The following NAT10 variants were observed in gnomAD, a reference collection of about 807,000 sequenced individuals.
NAT10 encodes the protein RNA cytidine acetyltransferase.
A neutral mutation model predicts 132.2 loss-of-function variants in NAT10; 109 were observed. That is an observed-to-expected ratio of 0.82 (90% CI 0.71 to 0.97). The LOEUF (loss-of-function observed/expected upper bound fraction) is 0.97, where lower values mean the gene tolerates loss of function less well. Among genes scored for constraint, NAT10 ranks in the 50% least tolerant of loss-of-function variants. The pLI is 0.00. For missense variants in NAT10, 1,184 were observed against 1,263.4 expected, an observed-to-expected ratio of 0.94 and a Z score of 0.95; for synonymous variants, 479 against 478.0, an observed-to-expected ratio of 1.00 and a Z score of -0.03.
At chr11:34,113,653 A>AG in intron 4 of NAT10, 63 bp from the exon 5 acceptor site, 38 of 1,521,214 alleles carry the variant, frequency 2.5e-5, no homozygotes, top group Non-Finnish European at 3.1e-5. Context: ...AAAAAAAAAA[A>AG]AAAAAAAGTC....
In NAT10 at chr11:34,113,844, C is replaced by T; in HGVS notation, c.495+6C>T. 1 of 1,610,978 alleles carries T rather than the reference C, an allele frequency of 6.2e-7. No homozygotes were observed. Among genetic ancestry groups the T allele is most frequent in the Non-Finnish European group, 8.5e-7 (1 of 1,178,890 alleles). Reference sequence around the variant, plus strand: ...AATTGTACACAGTGACTATGGTAAGCATCTGTTTTTTAACTTAATTGTGAG... The same window carrying T: ...AATTGTACACAGTGACTATGGTAAGTATCTGTTTTTTAACTTAATTGTGAG... On this transcript the variant is annotated splice_donor_region_variant and intron_variant, in intron 5 of 28. Transcript: ENST00000257829.
At position 34,136,686 on chromosome 11, in the gene NAT10, G is replaced by T. The variant is rs1852220526; in HGVS notation, c.2073G>T (p.Leu691=). ...AGGTCATCACTCCCCGGAAGGACCT[G>T]CCTCCTTTACTCCTCAAATTGAATG... The part of the protein sequence containing the change: ...LEEVITPRKD[L]PPLLLKLNER... The change falls in exon 20 of 29, where the codon CTG becomes CTT. Residue 691 remains leucine, a synonymous_variant. Transcript: ENST00000257829. 6.2e-7 allele frequency: 1 copy of T among 1,614,130 alleles called. No homozygotes were observed. Among genetic ancestry groups the T allele is most frequent in the Non-Finnish European group, 8.5e-7 (1 of 1,180,036 alleles).
intron 2 of NAT10, 67 bp from the exon 3 acceptor site, chr11:34,108,675 G>A: frequency 3.5e-6 from 5 of 1,420,438 alleles, no homozygotes; most frequent in African/African-American, 1.4e-5. Context: ...GTCAAATGAG[G>A]TCTTAAGCCT....
chr11:34,106,500 A>G (rs1296192696), intron 1 of NAT10, among the ~76,000 whole-genome samples: 4 of 152,080 alleles, frequency 2.6e-5, no homozygotes, highest in African/African-American at 7.3e-5. Context: ...TTCAAGAAGA[A>G]TGCAAGCTTG....
In NAT10 at chr11:34,133,141, A is replaced by T. The variant is rs1194853029; in HGVS notation, c.1733A>T (p.Gln578Leu). 1.4e-5 allele frequency: 23 copies of T among 1,606,178 alleles called. No individual in the cohort carries two copies. Among genetic ancestry groups the T allele is most frequent in the Non-Finnish European group, 1.7e-5 (20 of 1,172,944 alleles). ...NALPEVLAVI[Q>L]VCLEGEISRQ... ...CTTCCAGAAGTGCTTGCTGTTATCC[A>T]GGTATAGGAGCAGAGGCGTCCTTGT... Residue 578 changes from glutamine (Q) to leucine (L), a missense_variant and splice_region_variant, in exon 16 of 29, where the codon CAG (glutamine) becomes CTG (leucine). By Grantham distance (113) the Gln-to-Leu change is moderately radical. Transcript: ENST00000257829.
At chr11:34,137,556 C>A (rs1852239393) in intron 21 of NAT10, among the ~76,000 whole-genome samples, 1 of 152,166 alleles carries the variant, frequency 6.6e-6, no homozygotes, top group Non-Finnish European at 1.5e-5. Context: ...GAGCCATCAG[C>A]ATATTCATAA....
intron 6 of NAT10, among the ~76,000 whole-genome samples, chr11:34,117,811 A>T (rs114415712): frequency 0.017 from 2,549 of 151,816 alleles, 51 homozygotes; most frequent in African/African-American, 0.058. Flanking sequence ...TGGTGATCAT[A>T]TGGGGGTTGG....
chr11:34,134,726 G>C, intron 18 of NAT10, 140 bp downstream of exon 18: 1 of 766,158 alleles, frequency 1.3e-6, no homozygotes, highest in East Asian at 2.5e-5. Context: ...AATTGAGCCA[G>C]GGTTCGGGGT....
At chr11:34,136,509 A>C in intron 19 of NAT10, 133 bp from the exon 20 acceptor site, 1 of 1,020,302 alleles carries the variant, frequency 9.8e-7, no homozygotes, top group Non-Finnish European at 1.4e-6. Flanking sequence ...TAGTTTGAAA[A>C]CCACAGCAAT....
intron 6 of NAT10, among the ~76,000 whole-genome samples, chr11:34,116,993 A>G (rs1851794371): frequency 6.6e-6 from 1 of 152,094 alleles, no homozygotes; most frequent in African/African-American, 2.4e-5. Flanking sequence ...GGCCTCCCAA[A>G]GTGCTGGGAT....
At chr11:34,140,029 A>T (rs964222006) in intron 23 of NAT10, among the ~76,000 whole-genome samples, 1 of 152,218 alleles carries the variant, frequency 6.6e-6, no homozygotes, top group Non-Finnish European at 1.5e-5. Flanking sequence ...ATTTTGATGG[A>T]GAAATCCGTA....
At chr11:34,139,867 A>C (rs1182727373) in intron 23 of NAT10, among the ~76,000 whole-genome samples, 1 of 152,234 alleles carries the variant, frequency 6.6e-6, no homozygotes, top group Non-Finnish European at 1.5e-5. Context: ...CCAACAGCAC[A>C]CAGAAGTGCT....
At chr11:34,138,909 A>G in intron 21 of NAT10, 1 of 398,630 alleles carries the variant, frequency 2.5e-6, no homozygotes, top group South Asian at 3.2e-5. Flanking sequence ...CGTCCCGAGC[A>G]AGAGGCAGGC....
intron 5 of NAT10, 76 bp downstream of exon 5, chr11:34,113,914 A>G: frequency 6.4e-7 from 1 of 1,561,360 alleles, no homozygotes; most frequent in Non-Finnish European, 8.7e-7. Context: ...TTCTTTAAAG[A>G]ATTCCTGTTG....
At chr11:34,108,685 T>G in intron 2 of NAT10, 57 bp from the exon 3 acceptor site, 10 of 1,496,988 alleles carry the variant, frequency 6.7e-6, no homozygotes, top group Non-Finnish European at 9.2e-6. Flanking sequence ...GTCTTAAGCC[T>G]GGCGGTCTCT....
intron 28 of NAT10, among the ~76,000 whole-genome samples, 200 bp downstream of exon 28, chr11:34,143,728 A>G (rs887022019): frequency 6.6e-6 from 1 of 152,154 alleles, no homozygotes; most frequent in Non-Finnish European, 1.5e-5. Context: ...TTAGGCATGG[A>G]TCTCTTCACT....
Position 34,142,306 on chromosome 11 carries a change from A to G in NAT10, c.2843A>G (p.His948Arg), listed in dbSNP as rs201600938. ...DEAAKEFQEK[H>R]KKEVGKLKSM... ...GCAGCAAAGGAATTTCAGGAGAAAC[A>G]CAAGAAGGAAGTAGGGAAGCTGAAG... is the stretch of plus-strand genomic sequence containing the variant. The change falls in exon 27 of 29, where the codon CAC (histidine) becomes CGC (arginine). Residue 948 changes from histidine to arginine, a missense_variant. Coordinates refer to ENST00000257829, the MANE Select transcript of NAT10 (RefSeq NM_024662.3). The G allele has an allele frequency of 4.3e-6, 7 of 1,614,180 alleles. No homozygotes were observed. The African/African-American group carries it at 9.3e-5, about 22-fold the overall frequency.
chr11:34,134,357 G>A lies in NAT10; in HGVS notation c.1773G>A (p.Leu591=). 1 of 1,614,224 alleles carries A rather than the reference G, an allele frequency of 6.2e-7. No individual in the cohort carries two copies. Among genetic ancestry groups the A allele is most frequent in the Non-Finnish European group, 8.5e-7 (1 of 1,180,042 alleles). ...GGGAGATTTCTCGCCAGTCCATCTT[G>A]AACAGTCTGTCTCGAGGCAAGAAGG... ...LEGEISRQSI[L]NSLSRGKKAS... Residue 591 remains leucine, a synonymous_variant, in exon 17 of 29, where the codon TTG becomes TTA. Coordinates refer to ENST00000257829, the MANE Select transcript of NAT10 (RefSeq NM_024662.3).
chr11:34,118,561 G>A lies in NAT10; in HGVS notation c.780+58G>A, dbSNP rs1015161316. Reference sequence around the variant, plus strand: ...GGTAGTAAAACATAGCATACGGAGCGTAACAGAAGCCAAGGTACGTTGACT... The same window carrying A: ...GGTAGTAAAACATAGCATACGGAGCATAACAGAAGCCAAGGTACGTTGACT... On this transcript the variant is annotated intron_variant, in intron 8 of 28. Transcript: ENST00000257829. The A allele has an allele frequency of 2.8e-5, 40 of 1,426,200 alleles. No individual in the cohort carries two copies. The African/African-American group carries it at 2.8e-4, about 10-fold the overall frequency. The allele number at this position is 1,426,200 out of a possible 1,614,324, so 88.3% of individuals were successfully genotyped here.
Sources: allele counts gnomAD v4.1 joint callset (sites outside exome capture counted in the v4.1 genomes callset), GRCh38; gene constraint gnomAD v4.1.1; transcripts MANE v1.5; gene names NCBI Gene and HGNC (gene_info 2026-07-23, HGNC 2026-07-21).